Variants in RPS6KA5 observed in about 807,000 individuals in gnomAD.
RPS6KA5 encodes ribosomal protein S6 kinase A5.
In RPS6KA5, 27 loss-of-function variants were observed where a neutral mutation model predicts 85.5. The ratio of observed to expected loss-of-function variants is 0.32; its 90% CI spans 0.23 to 0.44. The LOEUF (loss-of-function observed/expected upper bound fraction) is 0.44, where lower values mean the gene tolerates loss of function less well. RPS6KA5 is among the 20% of genes least tolerant of loss of function. RPS6KA5 has a pLI of 1.00. For synonymous variants in RPS6KA5, 334 were observed against 348.2 expected, an observed-to-expected ratio of 0.96 and a Z score of 0.46; for missense variants, 811 against 980.9, an observed-to-expected ratio of 0.83 and a Z score of 2.31.
intron 1 of RPS6KA5, among the ~76,000 whole-genome samples, chr14:91,015,521 G>C (rs1272998147): frequency 1.3e-5 from 2 of 152,162 alleles, no homozygotes; most frequent in Non-Finnish European, 2.9e-5. Flanking sequence ...CCAAGGATAA[G>C]ATTTCAATTT....
intron 16 of RPS6KA5, 149 bp from the exon 17 acceptor site, chr14:90,872,471 T>A: frequency 9.7e-7 from 1 of 1,026,626 alleles, no homozygotes; most frequent in Non-Finnish European, 1.4e-6. Flanking sequence ...CCTTTATATC[T>A]AAGTCTATTG....
intron 4 of RPS6KA5, among the ~76,000 whole-genome samples, chr14:90,944,251 G>A (rs117069312): frequency 1.4e-3 from 210 of 152,222 alleles, no homozygotes; most frequent in Non-Finnish European, 2.6e-3. Flanking sequence ...TAGAAATATT[G>A]TTTTCCTCAA....
At chr14:90,872,407 T>C in intron 16 of RPS6KA5, 85 bp from the exon 17 acceptor site, 1 of 1,473,812 alleles carries the variant, frequency 6.8e-7, no homozygotes, top group Non-Finnish European at 9.0e-7. Flanking sequence ...AGAAGACAAC[T>C]TTCCATTGGC....
At chr14:90,931,990 T>C (rs1181600141) in intron 5 of RPS6KA5, among the ~76,000 whole-genome samples, 1 of 152,212 alleles carries the variant, frequency 6.6e-6, no homozygotes, top group Non-Finnish European at 1.5e-5. Flanking sequence ...TATACACACA[T>C]GAAGTAAGGG....
chr14:90,925,953 A>G (rs1339257561), intron 5 of RPS6KA5, among the ~76,000 whole-genome samples: 1 of 150,512 alleles, frequency 6.6e-6, no homozygotes, highest in South Asian at 2.1e-4. Context: ...AAAAAAAAAA[A>G]AAAAAAAAAG....
intron 4 of RPS6KA5, among the ~76,000 whole-genome samples, chr14:90,945,574 C>G (rs2037830815): frequency 6.6e-6 from 1 of 152,112 alleles, no homozygotes; most frequent in South Asian, 2.1e-4. Context: ...TTATCTGTAT[C>G]TTTTTAGGGT....
rs2035262671 is a variant in RPS6KA5 at position 90,902,948 on chromosome 14, C to A, written c.979G>T (p.Ala327Ser). The stretch of plus-strand genomic sequence containing the variant: ...AATGGTGCAGGCACTTTTTTGGCGG[C>A]TAAATCATCCCAATTTATTTTCTAA... ...FFQKINWDDLAAKKVPAPFKP... is the reference protein window; with the variant it reads ...FFQKINWDDLSAKKVPAPFKP... Residue 327 changes from alanine (A) to serine (S), a missense_variant, in exon 9 of 17, where the codon GCC (alanine) becomes TCC (serine). Ala to Ser is a moderately conservative substitution (Grantham distance 99). Around this residue, in one of 3 missense-constraint regions of RPS6KA5, gnomAD observed 650 missense variants for 793.4 expected, o/e 0.82. Transcript: ENST00000614987. 6.2e-7 allele frequency: 1 copy of A among 1,610,960 alleles called. No individual in the cohort carries two copies. The highest frequency in any genetic ancestry group is 8.5e-7 in the Non-Finnish European group (1 of 1,178,384).
chr14:90,973,911 GC>G (rs1376815812), intron 3 of RPS6KA5, among the ~76,000 whole-genome samples: 5 of 151,540 alleles, frequency 3.3e-5, no homozygotes, highest in African/African-American at 1.2e-4. Context: ...GGTGGCAGGT[GC>G]CTATAATCCC....
chr14:91,055,403 A>G (rs941231552), intron 1 of RPS6KA5, among the ~76,000 whole-genome samples: 2 of 152,262 alleles, frequency 1.3e-5, no homozygotes, highest in African/African-American at 4.8e-5. Context: ...TGGTGAATGC[A>G]TAAACAAAAC....
rs1024332984 is a variant in RPS6KA5 at position 90,962,279 on chromosome 14, T to G, written c.395-14729A>C. Among the ~76,000 whole-genome samples the G allele has an allele frequency of 4.1e-5, 6 of 145,242 alleles. No individual in the cohort carries two copies. In the South Asian group the frequency reaches 1.4e-3, roughly 33 times the overall value. On this transcript the variant is annotated intron_variant, in intron 3 of 16. Coordinates refer to ENST00000614987, the MANE Select transcript of RPS6KA5 (RefSeq NM_004755.4). ...TATTAAAGAATTTTTTCCTAAGGGT[T>G]TTTTTTTACAAAAAACTTATCTTGG...
At chr14:90,878,035 G>A (rs1214453391) in intron 14 of RPS6KA5, among the ~76,000 whole-genome samples, 2 of 151,886 alleles carry the variant, frequency 1.3e-5, no homozygotes, top group Non-Finnish European at 2.9e-5. Flanking sequence ...CTCCACTACT[G>A]TATCCACAGA....
intron 3 of RPS6KA5, among the ~76,000 whole-genome samples, chr14:90,959,672 G>A (rs1441327142): frequency 6.6e-6 from 1 of 152,202 alleles, no homozygotes; most frequent in African/African-American, 2.4e-5. Flanking sequence ...CCACCATCTT[G>A]TGGCCAGTTG....
chr14:90,973,206 C>T (rs564078512), intron 3 of RPS6KA5, among the ~76,000 whole-genome samples: 6 of 152,186 alleles, frequency 3.9e-5, no homozygotes, highest in East Asian at 3.9e-4. Flanking sequence ...TTTTGGAGGC[C>T]GAGGTGGGCA....
chr14:90,918,606 C>T (rs186877394), intron 7 of RPS6KA5, among the ~76,000 whole-genome samples: 30 of 152,312 alleles, frequency 2.0e-4, no homozygotes, highest in Non-Finnish European at 2.9e-4. Flanking sequence ...AAGCTCACAA[C>T]GGTCTTCCTT....
intron 9 of RPS6KA5, among the ~76,000 whole-genome samples, chr14:90,901,815 C>CTT (rs111767790): frequency 1.3e-5 from 2 of 152,006 alleles, no homozygotes; most frequent in African/African-American, 4.8e-5. Context: ...AAATCTAAAT[C>CTT]TTTTTTTAAC....
chr14:91,006,767 C>T (rs2041037163), intron 1 of RPS6KA5, among the ~76,000 whole-genome samples: 1 of 152,092 alleles, frequency 6.6e-6, no homozygotes, highest in Non-Finnish European at 1.5e-5. Flanking sequence ...CAGGCTTTCA[C>T]CATGTTGGCC....
chr14:90,979,190 C>T (rs1431480473), intron 2 of RPS6KA5, among the ~76,000 whole-genome samples: 1 of 152,214 alleles, frequency 6.6e-6, no homozygotes, highest in Non-Finnish European at 1.5e-5. Context: ...GTGTGGTGCC[C>T]CTCCTCCAGG....
chr14:90,929,574 A>G (rs1047796039), intron 5 of RPS6KA5, among the ~76,000 whole-genome samples: 2 of 152,212 alleles, frequency 1.3e-5, no homozygotes, highest in African/African-American at 4.8e-5. Flanking sequence ...ATTACAGATA[A>G]TAGTACAAAA....
In RPS6KA5 at chr14:90,978,221, T is replaced by C. The variant is rs565323083; in HGVS notation, c.394+85A>G. On this transcript the variant is annotated intron_variant, in intron 3 of 16. Coordinates refer to ENST00000614987, the MANE Select transcript of RPS6KA5 (RefSeq NM_004755.4). ...AAATATTTCACTTCTTCTAAGTCCA[T>C]AGTATCTTGCCCTTTAAGTACATTA... 10 of 950,870 alleles carry C rather than the reference T, an allele frequency of 1.1e-5. 1 individual carries two copies. In the African/African-American group the frequency reaches 1.2e-4, roughly 11 times the overall value. The allele number at this position is 950,870 out of a possible 1,614,324, so 58.9% of individuals were successfully genotyped here.
Sources: gnomAD v4.1 joint callset for allele counts (sites outside exome capture counted in the v4.1 genomes callset) on GRCh38, gnomAD v4.1.1 for gene constraint, gnomAD v4.1.1 regional missense constraint, MANE v1.5 for transcripts, NCBI Gene and HGNC (gene_info 2026-07-23, HGNC 2026-07-21) for gene names.